The following YAP1 variants were observed in gnomAD, a reference collection of about 807,000 sequenced individuals.
YAP1 encodes Yes1 associated transcriptional regulator, also known as transcriptional coactivator YAP1.
In YAP1, 5 loss-of-function variants were observed where a neutral mutation model predicts 56.9. That is an observed-to-expected ratio of 0.09 (90% CI 0.05 to 0.18). The LOEUF (loss-of-function observed/expected upper bound fraction) is 0.18. YAP1 is among the 10% of genes least tolerant of loss of function. The probability of loss-of-function intolerance (pLI) is 1.00; values close to 1 mark genes in which losing one functional copy is unlikely to be tolerated. For missense variants in YAP1, 539 were observed against 651.8 expected (o/e 0.83, Z 1.88); for synonymous variants, 265 against 248.1 (o/e 1.07, Z -0.64).
At chr11:102,178,464 TTTAG>T (rs1454787566) in intron 3 of YAP1, among the ~76,000 whole-genome samples, 9 of 152,300 alleles carry the variant, frequency 5.9e-5, no homozygotes, top group South Asian at 2.1e-4. Flanking sequence ...GGCAAATGGT[TTTAG>T]TTAGTCATTA....
chr11:102,116,178 A>C (rs188209918), intron 2 of YAP1, among the ~76,000 whole-genome samples: 117 of 152,330 alleles, frequency 7.7e-4, no homozygotes, highest in African/African-American at 2.5e-3. Context: ...TTTGGAAACA[A>C]ATTACATCTG....
At chr11:102,188,001 A>G (rs1306530087) in intron 4 of YAP1, among the ~76,000 whole-genome samples, 2 of 152,132 alleles carry the variant, frequency 1.3e-5, no homozygotes, top group Non-Finnish European at 2.9e-5. Context: ...CTTTTCACTC[A>G]GAGAGCTCAA....
At chr11:102,161,247 A>G (rs1177527265) in intron 2 of YAP1, among the ~76,000 whole-genome samples, 1 of 150,690 alleles carries the variant, frequency 6.6e-6, no homozygotes, top group Non-Finnish European at 1.5e-5. Flanking sequence ...TATTTTTAGT[A>G]GAGATGGGGT....
At chr11:102,140,927 A>G (rs757997106) in intron 2 of YAP1, among the ~76,000 whole-genome samples, 5 of 152,088 alleles carry the variant, frequency 3.3e-5, no homozygotes, top group Non-Finnish European at 5.9e-5. Context: ...TAACTGTGGC[A>G]GTTACAACTG....
At chr11:102,166,998 T>A (rs1017060450) in intron 3 of YAP1, among the ~76,000 whole-genome samples, 1 of 152,362 alleles carries the variant, frequency 6.6e-6, no homozygotes, top group African/African-American at 2.4e-5. Context: ...TATTTTGTTT[T>A]CTAATTGGCT....
intron 2 of YAP1, among the ~76,000 whole-genome samples, chr11:102,130,493 C>T (rs1944311543): frequency 6.6e-6 from 1 of 152,042 alleles, no homozygotes; most frequent in African/African-American, 2.4e-5. Context: ...AGCCTCAATC[C>T]TCTGGACTTA....
chr11:102,153,889 G>C (rs1044839832), intron 2 of YAP1, among the ~76,000 whole-genome samples: 1 of 151,776 alleles, frequency 6.6e-6, no homozygotes, highest in East Asian at 1.9e-4. Context: ...AGAAACCTGT[G>C]AACCCACCTT....
intron 4 of YAP1, among the ~76,000 whole-genome samples, chr11:102,193,961 C>T (rs1252341365): frequency 3.3e-5 from 5 of 151,990 alleles, no homozygotes; most frequent in South Asian, 4.1e-4. Context: ...TGCCTGCCAC[C>T]GTGCCCGGCT....
chr11:102,122,709 C>T (rs1943734883), intron 2 of YAP1, among the ~76,000 whole-genome samples: 1 of 151,992 alleles, frequency 6.6e-6, no homozygotes. Flanking sequence ...GCCTGGCCAA[C>T]ATGGTGAAAC....
At chr11:102,132,119 A>G (rs1385322919) in intron 2 of YAP1, among the ~76,000 whole-genome samples, 1 of 152,056 alleles carries the variant, frequency 6.6e-6, no homozygotes, top group Non-Finnish European at 1.5e-5. Context: ...CCCTGTGTCA[A>G]AAAAAATAAA....
intron 2 of YAP1, among the ~76,000 whole-genome samples, chr11:102,140,451 C>T (rs1425214338): frequency 6.6e-6 from 1 of 152,016 alleles, no homozygotes; most frequent in Non-Finnish European, 1.5e-5. Flanking sequence ...TGTTTCAGTA[C>T]CCCCCATGCC....
At chr11:102,223,474 G>A in intron 6 of YAP1, 148 bp from the exon 7 acceptor site, 2 of 851,240 alleles carry the variant, frequency 2.3e-6, no homozygotes, top group Non-Finnish European at 3.5e-6. Context: ...ATAGAATTAG[G>A]TCATTCTGAT....
chr11:102,139,477 A>G (rs933504627), intron 2 of YAP1, among the ~76,000 whole-genome samples: 1 of 152,184 alleles, frequency 6.6e-6, no homozygotes, highest in Non-Finnish European at 1.5e-5. Flanking sequence ...TTCCCTCTGC[A>G]GTGTTTATCA....
intron 3 of YAP1, among the ~76,000 whole-genome samples, chr11:102,174,364 C>T (rs573810542): frequency 1.3e-5 from 2 of 152,114 alleles, no homozygotes; most frequent in East Asian, 3.9e-4. Context: ...TTTGGGAGGC[C>T]AACGCGGGCA....
Position 102,180,606 on chromosome 11 carries a change from T to C in YAP1, c.689-5412T>C, listed in dbSNP as rs1947539902. Among the ~76,000 whole-genome samples, 3 of 136,378 alleles carry C rather than the reference T, an allele frequency of 2.2e-5. 1 individual carries two copies. In the Admixed American group the frequency reaches 2.5e-4, roughly 11 times the overall value. 89.5% of individuals were successfully genotyped at this position (136,378 alleles called of 152,430 possible). A position where few individuals can be genotyped will look rare whatever the true frequency, so the allele number is the denominator to read the frequency against. On this transcript the variant is annotated intron_variant, in intron 3 of 8. Transcript: ENST00000282441. Reference sequence around the variant, plus strand: ...CTGAGGCAGGAGAATGGCATGAACCTGGGAGGTGGAGCTTGCAGTGAGCCG... The same window carrying C: ...CTGAGGCAGGAGAATGGCATGAACCCGGGAGGTGGAGCTTGCAGTGAGCCG...
intron 7 of YAP1, among the ~76,000 whole-genome samples, chr11:102,226,159 A>G (rs1950184370): frequency 6.6e-6 from 1 of 152,246 alleles, no homozygotes; most frequent in Admixed American, 6.5e-5. Context: ...CAGGGCAGGC[A>G]AAATACAAAC....
intron 4 of YAP1, among the ~76,000 whole-genome samples, chr11:102,203,336 G>T (rs1948969426): frequency 6.6e-6 from 1 of 152,198 alleles, no homozygotes; most frequent in Non-Finnish European, 1.5e-5. Context: ...CAAGCCAATT[G>T]TAAAAATAAC....
At chr11:102,157,505 G>C (rs1946023331) in intron 2 of YAP1, among the ~76,000 whole-genome samples, 1 of 152,178 alleles carries the variant, frequency 6.6e-6, no homozygotes, top group Admixed American at 6.5e-5. Context: ...ATAGTATTTT[G>C]AGGGCCTGAC....
At chr11:102,177,433 T>C (rs1237433001) in intron 3 of YAP1, among the ~76,000 whole-genome samples, 1 of 152,060 alleles carries the variant, frequency 6.6e-6, no homozygotes, top group East Asian at 1.9e-4. Context: ...AACTTTGTCA[T>C]GGAAATGTGA....
Sources: gnomAD v4.1 joint callset for allele counts (sites outside exome capture counted in the v4.1 genomes callset) on GRCh38, gnomAD v4.1.1 for gene constraint, MANE v1.5 for transcripts, NCBI Gene and HGNC (gene_info 2026-07-23, HGNC 2026-07-21) for gene names.